The following SGCZ variants were observed in gnomAD, a reference collection of about 807,000 sequenced individuals.
SGCZ encodes sarcoglycan zeta, also known as zeta-sarcoglycan.
SGCZ carries 40 observed loss-of-function variants against 41.3 expected under a neutral mutation model. The ratio of observed to expected loss-of-function variants is 0.97; its 90% CI spans 0.75 to 1.26. The LOEUF (loss-of-function observed/expected upper bound fraction) is 1.26, where lower values mean the gene tolerates loss of function less well. SGCZ is among the 50% of genes most tolerant of loss of function. The pLI is 0.00. For missense variants in SGCZ, 552 were observed against 369.8 expected (o/e 1.49, Z -4.04); for synonymous variants, 206 against 137.5 (o/e 1.50, Z -3.49).
In SGCZ at chr8:14,426,244, T is replaced by A. The variant is rs77038779; in HGVS notation, c.235-102040A>T. ...CAAGTCTAAGAAATAAAATTTGTGG[T>A]ACATCAGATGGCAATAAGTGTTATA... is the stretch of plus-strand genomic sequence containing the variant. On this transcript the variant is annotated intron_variant, in intron 2 of 7. Transcript: ENST00000382080. 3.2e-4 allele frequency among the ~76,000 whole-genome samples: 48 copies of A among 152,230 alleles called. No individual in the cohort carries two copies. The East Asian group carries it at 8.1e-3, about 26-fold the overall frequency.
intron 1 of SGCZ, among the ~76,000 whole-genome samples, chr8:14,744,412 T>A (rs1799284932): frequency 6.6e-6 from 1 of 152,150 alleles, no homozygotes; most frequent in Admixed American, 6.6e-5. Flanking sequence ...GATAACATCT[T>A]CTATCCATAG....
chr8:14,973,147 T>C (rs1801355066), intron 1 of SGCZ, among the ~76,000 whole-genome samples: 1 of 152,242 alleles, frequency 6.6e-6, no homozygotes, highest in African/African-American at 2.4e-5. Context: ...ATTTATTCTC[T>C]GACCCTTCAG....
intron 1 of SGCZ, among the ~76,000 whole-genome samples, chr8:14,951,180 C>G (rs940353193): frequency 3.3e-5 from 4 of 121,068 alleles, no homozygotes; most frequent in African/African-American, 1.4e-4. Context: ...TACAGACTCT[C>G]TTTATAGTTA....
At chr8:15,185,594 G>A (rs183949692) in intron 1 of SGCZ, among the ~76,000 whole-genome samples, 2 of 152,106 alleles carry the variant, frequency 1.3e-5, no homozygotes, top group East Asian at 3.9e-4. Context: ...GGGCAAATGA[G>A]AAGAAAACAG....
intron 2 of SGCZ, among the ~76,000 whole-genome samples, chr8:14,529,053 A>T (rs939426523): frequency 6.6e-6 from 1 of 151,968 alleles, no homozygotes; most frequent in Non-Finnish European, 1.5e-5. Context: ...TCTCCTTCAT[A>T]CTGATCTACA....
intron 3 of SGCZ, among the ~76,000 whole-genome samples, chr8:14,266,074 G>A (rs895531323): frequency 1.3e-5 from 2 of 152,052 alleles, no homozygotes; most frequent in African/African-American, 2.4e-5. Context: ...GATAATAACA[G>A]AAAACTCCCC....
chr8:14,982,830 C>T (rs938869554), intron 1 of SGCZ, among the ~76,000 whole-genome samples: 10 of 152,122 alleles, frequency 6.6e-5, no homozygotes, highest in Admixed American at 3.3e-4. Context: ...TTATTTGGCC[C>T]GTCCTACCAC....
At chr8:14,340,042 G>A (rs1043885984) in intron 2 of SGCZ, among the ~76,000 whole-genome samples, 6 of 152,060 alleles carry the variant, frequency 3.9e-5, no homozygotes, top group Admixed American at 1.3e-4. Flanking sequence ...ACAGAATGAC[G>A]TCAATCTTCT....
chr8:14,672,662 A>G (rs1181528359), intron 1 of SGCZ, among the ~76,000 whole-genome samples: 1 of 151,554 alleles, frequency 6.6e-6, no homozygotes, highest in Admixed American at 6.5e-5. Flanking sequence ...ACAGTGTTTG[A>G]ATGAAGACAC....
At chr8:14,910,642 T>C (rs1198948929) in intron 1 of SGCZ, among the ~76,000 whole-genome samples, 1 of 151,934 alleles carries the variant, frequency 6.6e-6, no homozygotes, top group Non-Finnish European at 1.5e-5. Context: ...TGATGGACAT[T>C]AACAGAAAAC....
intron 2 of SGCZ, among the ~76,000 whole-genome samples, chr8:14,342,020 A>G (rs993188957): frequency 1.3e-5 from 2 of 152,236 alleles, no homozygotes; most frequent in Admixed American, 1.3e-4. Context: ...GAACTGGGTA[A>G]CAGGCAGAGG....
chr8:14,671,978 A>C (rs1234259662), intron 1 of SGCZ, among the ~76,000 whole-genome samples: 1 of 152,152 alleles, frequency 6.6e-6, no homozygotes, highest in Non-Finnish European at 1.5e-5. Flanking sequence ...GAAACTGAAG[A>C]GACAGCTACA....
chr8:14,266,015 G>T (rs1424498880), intron 3 of SGCZ, among the ~76,000 whole-genome samples: 1 of 152,008 alleles, frequency 6.6e-6, no homozygotes, highest in African/African-American at 2.4e-5. Flanking sequence ...AGTTATTAGT[G>T]TTCAAGAGGC....
intron 3 of SGCZ, among the ~76,000 whole-genome samples, chr8:14,264,202 G>C (rs577455697): frequency 8.5e-5 from 13 of 152,328 alleles, no homozygotes; most frequent in Admixed American, 6.5e-4. Flanking sequence ...TAGCCATGGT[G>C]ACTGTGGGAA....
intron 1 of SGCZ, among the ~76,000 whole-genome samples, chr8:15,072,328 T>G (rs1805385550): frequency 1.3e-5 from 2 of 152,122 alleles, no homozygotes; most frequent in African/African-American, 4.8e-5. Flanking sequence ...CAGTTGAAAT[T>G]ATATATCCAT....
At chr8:14,190,010 C>CTTTTTTT (rs1397799185) in intron 4 of SGCZ, among the ~76,000 whole-genome samples, 16 of 68,492 alleles carry the variant, frequency 2.3e-4, no homozygotes, top group East Asian at 1.2e-3. Context: ...TTCTTTCTTT[C>CTTTTTTT]TTTCTTTTTT....
chr8:14,416,494 T>C (rs1222384615), intron 2 of SGCZ, among the ~76,000 whole-genome samples: 1 of 151,898 alleles, frequency 6.6e-6, no homozygotes, highest in Non-Finnish European at 1.5e-5. Flanking sequence ...ATAGAGAATC[T>C]GTATACAATT....
At chr8:15,219,107 A>G (rs573246264) in intron 1 of SGCZ, among the ~76,000 whole-genome samples, 4 of 152,318 alleles carry the variant, frequency 2.6e-5, no homozygotes, top group African/African-American at 4.8e-5. Context: ...ATTATATTCA[A>G]TAACTACATA....
chr8:14,124,925 C>CTGA (rs945277060), intron 5 of SGCZ, among the ~76,000 whole-genome samples: 6 of 152,096 alleles, frequency 3.9e-5, no homozygotes, highest in Non-Finnish European at 1.5e-5. Flanking sequence ...GTTCCTTAAA[C>CTGA]TGATAAGCAA....
Sources: allele counts gnomAD v4.1 joint callset (sites outside exome capture counted in the v4.1 genomes callset), GRCh38; gene constraint gnomAD v4.1.1; transcripts MANE v1.5; gene names NCBI Gene and HGNC (gene_info 2026-07-23, HGNC 2026-07-21).